Variants in BRINP2 observed in about 807,000 individuals in gnomAD.
BRINP2 encodes BMP/retinoic acid-inducible neural-specific protein 2.
A neutral mutation model predicts 69.2 loss-of-function variants in BRINP2; 21 were observed. The observed-to-expected ratio is 0.30, with a 90% confidence interval of 0.22 to 0.44. The LOEUF is 0.44. Among genes scored for constraint, BRINP2 ranks in the 20% least tolerant of loss-of-function variants. The pLI, the probability that BRINP2 is intolerant of heterozygous loss-of-function variation, is 1.00. For missense variants in BRINP2, 877 were observed against 986.0 expected, an observed-to-expected ratio of 0.89 and a Z score of 1.48; for synonymous variants, 380 against 394.1, an observed-to-expected ratio of 0.96 and a Z score of 0.42.
chr1:177,222,079 T>C (rs562217956), intron 1 of BRINP2, among the ~76,000 whole-genome samples: 1 of 152,320 alleles, frequency 6.6e-6, no homozygotes, highest in Non-Finnish European at 1.5e-5. Flanking sequence ...CAGAGTGACC[T>C]GGAGAAACCT....
Position 177,189,903 on chromosome 1 carries a change from A to G in BRINP2, c.-77+18171A>G, listed in dbSNP as rs181547699. On this transcript the variant is annotated intron_variant, in intron 1 of 7. Transcript: ENST00000361539. ...TTGCAAGCAAAAAGGAAAGGGGTGTATGTGGGACACTGATCACATCATCAG... is the reference window on the plus strand; with the variant it reads ...TTGCAAGCAAAAAGGAAAGGGGTGTGTGTGGGACACTGATCACATCATCAG... 3.9e-5 allele frequency among the ~76,000 whole-genome samples: 6 copies of G among 152,310 alleles called. No homozygotes were observed. In the East Asian group the frequency reaches 9.7e-4, roughly 25 times the overall value.
In BRINP2 at chr1:177,242,202, T is replaced by C. The variant is rs1050770405; in HGVS notation, c.269+12057T>C. 2.6e-5 allele frequency among the ~76,000 whole-genome samples: 4 copies of C among 152,190 alleles called. No individual in the cohort carries two copies. The East Asian group carries it at 7.7e-4, about 29-fold the overall frequency. ...CCAGCCTCTTTTCTTTTCCCCTGGCTTCATTGTCTACCATTCGTACTTTCC... is the reference window on the plus strand; with the variant it reads ...CCAGCCTCTTTTCTTTTCCCCTGGCCTCATTGTCTACCATTCGTACTTTCC... On this transcript the variant is annotated intron_variant, in intron 2 of 7. Coordinates refer to ENST00000361539, the MANE Select transcript of BRINP2 (RefSeq NM_021165.4).
chr1:177,281,614 C>T lies in BRINP2; in HGVS notation c.*86C>T. On this transcript the variant is annotated 3_prime_UTR_variant, in exon 8 of 8. Coordinates refer to ENST00000361539, the MANE Select transcript of BRINP2 (RefSeq NM_021165.4). ...ATCTAAGCCCTCACCTTAGTGCCAA[C>T]AGGGTGTGCTCCCACGAGACTTTCA... 1 of 1,469,216 alleles carries T rather than the reference C, an allele frequency of 6.8e-7. No individual in the cohort carries two copies. Among genetic ancestry groups the T allele is most frequent in the Non-Finnish European group, 9.1e-7 (1 of 1,104,088 alleles). The allele number at this position is 1,469,216 out of a possible 1,614,324, so 91.0% of individuals were successfully genotyped here. A position where few individuals can be genotyped will look rare whatever the true frequency, so the allele number is the denominator to read the frequency against.
At chr1:177,273,361 G>C in intron 4 of BRINP2, 127 bp from the exon 5 acceptor site, 1 of 539,912 alleles carries the variant, frequency 1.9e-6, no homozygotes, top group Admixed American at 3.5e-5. Context: ...TACGAAAAGG[G>C]ACGTATCACT....
chr1:177,248,470 T>C (rs1050120784), intron 2 of BRINP2, among the ~76,000 whole-genome samples: 22 of 150,332 alleles, frequency 1.5e-4, no homozygotes, highest in South Asian at 1.1e-3. Context: ...CGTGTGTGTG[T>C]GCGTGTGTGT....
intron 7 of BRINP2, 39 bp from the exon 8 acceptor site, chr1:177,280,373 T>C: frequency 6.5e-7 from 1 of 1,544,060 alleles, no homozygotes; most frequent in Non-Finnish European, 8.8e-7. Context: ...GTGTGTGACT[T>C]CTTTTGACTC....
chr1:177,240,037 AG>A (rs1486581577), intron 2 of BRINP2, among the ~76,000 whole-genome samples: 1 of 152,176 alleles, frequency 6.6e-6, no homozygotes, highest in African/African-American at 2.4e-5. Context: ...GCTGGGCAGG[AG>A]GCCTGATGGG....
chr1:177,210,945 A>G (rs978520667), intron 1 of BRINP2, among the ~76,000 whole-genome samples: 2 of 149,180 alleles, frequency 1.3e-5, no homozygotes, highest in Admixed American at 6.7e-5. Flanking sequence ...AGGTGCATTT[A>G]TTTCTTTTTA....
chr1:177,261,582 A>G (rs564261978), intron 4 of BRINP2, among the ~76,000 whole-genome samples: 1 of 152,364 alleles, frequency 6.6e-6, no homozygotes, highest in East Asian at 1.9e-4. Context: ...CATTCCTATC[A>G]GACATCTTAC....
chr1:177,181,665 A>G (rs1374870532), intron 1 of BRINP2, among the ~76,000 whole-genome samples: 1 of 152,190 alleles, frequency 6.6e-6, no homozygotes, highest in Non-Finnish European at 1.5e-5. Context: ...GTGTTCAGCC[A>G]TTTATCATCA....
intron 1 of BRINP2, among the ~76,000 whole-genome samples, chr1:177,195,587 T>C (rs1571891164): frequency 6.6e-6 from 1 of 151,478 alleles, no homozygotes; most frequent in South Asian, 2.1e-4. Flanking sequence ...CACTCACTGA[T>C]TTTATGGCTT....
At position 177,229,784 on chromosome 1, in the gene BRINP2, C is replaced by T. The variant is rs1649806386; in HGVS notation, c.-76-17C>T. 6 of 1,491,668 alleles carry T rather than the reference C, an allele frequency of 4.0e-6. No homozygotes were observed. The highest frequency in any genetic ancestry group is 1.4e-5 in the African/African-American group (1 of 71,230). The allele number at this position is 1,491,668 out of a possible 1,614,324, so 92.4% of individuals were successfully genotyped here. A position where few individuals can be genotyped will look rare whatever the true frequency, so the allele number is the denominator to read the frequency against. On this transcript the variant is annotated splice_polypyrimidine_tract_variant and intron_variant, in intron 1 of 7. Transcript: ENST00000361539. ...TAACAGGGTGCTCAAATGACAATGC[C>T]TTTTGTACTTTTCCAGCTCCGAGCC...
At chr1:177,235,869 A>C (rs1319783269) in intron 2 of BRINP2, among the ~76,000 whole-genome samples, 1 of 152,186 alleles carries the variant, frequency 6.6e-6, no homozygotes, top group Non-Finnish European at 1.5e-5. Context: ...GGAAAAAGGA[A>C]GGAGGTTAGC....
At chr1:177,261,825 C>A (rs1352846852) in intron 4 of BRINP2, among the ~76,000 whole-genome samples, 1 of 152,148 alleles carries the variant, frequency 6.6e-6, no homozygotes, top group East Asian at 1.9e-4. Context: ...GAGGATCCAA[C>A]CAAGAAGACT....
At chr1:177,181,378 G>A (rs1042859548) in intron 1 of BRINP2, among the ~76,000 whole-genome samples, 1 of 152,210 alleles carries the variant, frequency 6.6e-6, no homozygotes, top group African/African-American at 2.4e-5. Flanking sequence ...GCTCAGGGAG[G>A]GCAGAACATC....
In BRINP2 at chr1:177,230,041, G is replaced by A. The variant is rs1649817801; in HGVS notation, c.165G>A (p.Leu55=). 2 of 1,613,682 alleles carry A rather than the reference G, an allele frequency of 1.2e-6. No individual in the cohort carries two copies. Among genetic ancestry groups the A allele is most frequent in the Non-Finnish European group, 1.7e-6 (2 of 1,180,012 alleles). ...CCTCCGTAGCTGGCCAGCATCCCCT[G>A]GACTGGCTGCTCACAGACCGGGGCC... ...QHASVAGQHP[L]DWLLTDRGPF... Residue 55 remains leucine, a synonymous_variant, in exon 2 of 8, where the codon CTG becomes CTA. Transcript: ENST00000361539.
intron 6 of BRINP2, 59 bp from the exon 7 acceptor site, chr1:177,278,504 C>T: frequency 1.3e-6 from 2 of 1,522,358 alleles, no homozygotes; most frequent in East Asian, 2.3e-5. Flanking sequence ...CGTCCACTTG[C>T]CCCTACCAGA....
At chr1:177,269,985 T>C (rs1015984168) in intron 4 of BRINP2, among the ~76,000 whole-genome samples, 4 of 150,148 alleles carry the variant, frequency 2.7e-5, no homozygotes, top group African/African-American at 9.8e-5. Flanking sequence ...CTTTATAATC[T>C]GCCAAAGCTG....
chr1:177,211,551 A>G lies in BRINP2; in HGVS notation c.-76-18250A>G, dbSNP rs1447318054. Among the ~76,000 whole-genome samples, 4 of 152,184 alleles carry G rather than the reference A, an allele frequency of 2.6e-5. No homozygotes were observed. In the East Asian group the frequency reaches 7.7e-4, roughly 29 times the overall value. On this transcript the variant is annotated intron_variant, in intron 1 of 7. Coordinates refer to ENST00000361539, the MANE Select transcript of BRINP2 (RefSeq NM_021165.4). ...GAAGATTACAGGCTTGTTATTTTGT[A>G]GGATGTTCCTTAATTTAGATTTGTC...
Sources: gnomAD v4.1 joint callset for allele counts (sites outside exome capture counted in the v4.1 genomes callset) on GRCh38, gnomAD v4.1.1 for gene constraint, MANE v1.5 for transcripts, NCBI Gene and HGNC (gene_info 2026-07-23, HGNC 2026-07-21) for gene names.